ROBO2: variants seen among roughly 807,000 people sequenced by gnomAD.
ROBO2 encodes the protein roundabout guidance receptor 2, also known as roundabout homolog 2.
Under a neutral mutation model 160.8 loss-of-function variants are expected in ROBO2, and 53 were observed. The observed-to-expected ratio is 0.33, with a 90% CI of 0.26 to 0.41. ROBO2 has a LOEUF of 0.41. Among genes scored for constraint, ROBO2 ranks in the 10% least tolerant of loss-of-function variants. The pLI is 1.00. For missense variants in ROBO2, 1,577 were observed against 1,722.4 expected, an observed-to-expected ratio of 0.92 and a Z score of 1.49; for synonymous variants, 664 against 611.7, an observed-to-expected ratio of 1.09 and a Z score of -1.26.
chr3:77,268,910 TC>T (rs2153350796), intron 2 of ROBO2, among the ~76,000 whole-genome samples: 1 of 152,300 alleles, frequency 6.6e-6, no homozygotes, highest in South Asian at 2.1e-4. Flanking sequence ...GAGCTGAGTA[TC>T]TCTAGTTATA....
Position 77,194,761 on chromosome 3 carries a change from T to C in ROBO2, c.388+96421T>C, listed in dbSNP as rs567274168. ...GCCTGAAATGATTGATTTTTGGCCA[T>C]TAGGACAAAATAGAAAATATAAAAT... On this transcript the variant is annotated intron_variant, in intron 2 of 25. Transcript: ENST00000461745. 3.9e-5 allele frequency among the ~76,000 whole-genome samples: 6 copies of C among 152,306 alleles called. No individual in the cohort carries two copies. The East Asian group carries it at 9.7e-4, about 25-fold the overall frequency.
intron 23 of ROBO2, chr3:77,629,090 G>A (rs1244946939): frequency 6.6e-6 from 1 of 152,252 alleles, no homozygotes; most frequent in Non-Finnish European, 1.5e-5. Flanking sequence ...GAGCATTAAA[G>A]GCTGGGAGAA....
intron 2 of ROBO2, among the ~76,000 whole-genome samples, chr3:77,462,665 A>T (rs1165693720): frequency 6.6e-6 from 1 of 152,218 alleles, no homozygotes; most frequent in East Asian, 1.9e-4. Flanking sequence ...ACATTGGTAA[A>T]CATACGTATT....
At chr3:77,566,513 C>T (rs932896815) in intron 12 of ROBO2, among the ~76,000 whole-genome samples, 29 of 151,872 alleles carry the variant, frequency 1.9e-4, no homozygotes, top group African/African-American at 6.5e-4. Flanking sequence ...ATTGTAGTAC[C>T]GTGATCATTT....
intron 2 of ROBO2, among the ~76,000 whole-genome samples, chr3:77,101,616 A>G (rs1468098744): frequency 2.6e-5 from 4 of 152,188 alleles, no homozygotes; most frequent in African/African-American, 9.7e-5. Context: ...TCCAGTGCTT[A>G]GAACAGTAAT....
intron 2 of ROBO2, among the ~76,000 whole-genome samples, chr3:76,329,591 T>C (rs1046524221): frequency 6.6e-6 from 1 of 152,224 alleles, no homozygotes; most frequent in South Asian, 2.1e-4. Context: ...AAGTTAGTTA[T>C]CTTCACCTGT....
intron 2 of ROBO2, among the ~76,000 whole-genome samples, chr3:77,344,416 G>T (rs947538478): frequency 1.3e-5 from 2 of 152,164 alleles, no homozygotes; most frequent in Non-Finnish European, 2.9e-5. Context: ...TAGAGCCTTT[G>T]GCAAGTGATT....
intron 2 of ROBO2, among the ~76,000 whole-genome samples, chr3:76,827,043 C>T (rs1218417777): frequency 1.3e-5 from 2 of 152,194 alleles, no homozygotes; most frequent in South Asian, 2.1e-4. Context: ...ATTAACTTGT[C>T]GCACATGACA....
At chr3:76,197,528 C>G (rs1391561158) in intron 2 of ROBO2, among the ~76,000 whole-genome samples, 1 of 152,124 alleles carries the variant, frequency 6.6e-6, no homozygotes. Flanking sequence ...TGATAATCCA[C>G]CGAGTTAATC....
chr3:76,240,308 G>A (rs1429626295), intron 2 of ROBO2, among the ~76,000 whole-genome samples: 8 of 151,670 alleles, frequency 5.3e-5, no homozygotes. Context: ...AGGCCCCAGT[G>A]TGTGATGTTC....
intron 23 of ROBO2, chr3:77,630,168 G>A (rs888029751): frequency 6.6e-6 from 1 of 152,194 alleles, no homozygotes; most frequent in African/African-American, 2.4e-5. Flanking sequence ...TTACATAAAT[G>A]AGCAAGGAGA....
chr3:76,209,565 T>C (rs1703014060), intron 2 of ROBO2, among the ~76,000 whole-genome samples: 1 of 152,126 alleles, frequency 6.6e-6, no homozygotes, highest in Non-Finnish European at 1.5e-5. Context: ...GAATACTTCA[T>C]AGGCGGGGCA....
intron 2 of ROBO2, among the ~76,000 whole-genome samples, chr3:76,395,852 T>C (rs1209424892): frequency 6.6e-6 from 1 of 151,198 alleles, no homozygotes; most frequent in Non-Finnish European, 1.5e-5. Flanking sequence ...CCAAAAAGAG[T>C]CCAGGACCAG....
intron 2 of ROBO2, among the ~76,000 whole-genome samples, chr3:76,405,979 T>C (rs1390971917): frequency 1.3e-5 from 2 of 151,784 alleles, no homozygotes; most frequent in East Asian, 3.9e-4. Flanking sequence ...GTTTTCCTAA[T>C]ATTATAAGCT....
chr3:76,798,311 A>AGAAAGAAAGAAG, intron 2 of ROBO2, among the ~76,000 whole-genome samples: 1 of 151,414 alleles, frequency 6.6e-6, no homozygotes, highest in East Asian at 1.9e-4. Context: ...AAAGAAAGAA[A>AGAAAGAAAGAAG]GAAAAAAGAA....
chr3:77,400,356 A>G (rs2075677977), intron 2 of ROBO2, among the ~76,000 whole-genome samples: 1 of 152,146 alleles, frequency 6.6e-6, no homozygotes, highest in Admixed American at 6.6e-5. Context: ...ATATTTCTGA[A>G]TGGTACTGCT....
chr3:76,561,430 A>T (rs1343157080), intron 2 of ROBO2, among the ~76,000 whole-genome samples: 1 of 152,196 alleles, frequency 6.6e-6, no homozygotes, highest in Non-Finnish European at 1.5e-5. Flanking sequence ...ATATCAACAA[A>T]CATTAAGCAA....
intron 2 of ROBO2, among the ~76,000 whole-genome samples, chr3:76,623,936 T>G (rs2089423474): frequency 6.6e-6 from 1 of 152,162 alleles, no homozygotes; most frequent in African/African-American, 2.4e-5. Flanking sequence ...CTCATAAGAC[T>G]ACATTTAGTA....
At chr3:76,608,104 A>G (rs989365814) in intron 2 of ROBO2, among the ~76,000 whole-genome samples, 10 of 152,372 alleles carry the variant, frequency 6.6e-5, no homozygotes, top group East Asian at 5.8e-4. Context: ...CAAAATTTAA[A>G]CTTTGCAATA....
Sources: allele counts gnomAD v4.1 joint callset (sites outside exome capture counted in the v4.1 genomes callset), GRCh38; gene constraint gnomAD v4.1.1; transcripts MANE v1.5; gene names NCBI Gene and HGNC (gene_info 2026-07-23, HGNC 2026-07-21).